Variants in ARG2 observed in about 807,000 individuals in gnomAD.
ARG2 encodes the protein arginase-2, mitochondrial.
A neutral mutation model predicts 39.4 loss-of-function variants in ARG2; 21 were observed. That is an observed-to-expected ratio of 0.53 (90% CI 0.38 to 0.77). The LOEUF is 0.77. Among genes scored for constraint, ARG2 ranks in the 30% least tolerant of loss-of-function variants. The pLI is 0.00. For synonymous variants in ARG2, 150 were observed against 156.7 expected (o/e 0.96, Z 0.32); for missense variants, 378 against 426.2 (o/e 0.89, Z 1.00).
intron 2 of ARG2, among the ~76,000 whole-genome samples, chr14:67,639,981 G>T (rs1379949787): frequency 2.1e-5 from 3 of 143,250 alleles, no homozygotes; most frequent in African/African-American, 7.8e-5. Flanking sequence ...GTTGTCAACA[G>T]ACAGAGGAAA....
intron 2 of ARG2, among the ~76,000 whole-genome samples, chr14:67,640,473 G>A (rs2037018278): frequency 6.6e-6 from 1 of 152,158 alleles, no homozygotes; most frequent in Non-Finnish European, 1.5e-5. Flanking sequence ...TATGGTCACT[G>A]CTCCTCAAAT....
intron 2 of ARG2, among the ~76,000 whole-genome samples, chr14:67,630,701 C>T (rs542382491): frequency 1.3e-5 from 2 of 152,306 alleles, no homozygotes; most frequent in South Asian, 2.1e-4. Context: ...GCCTCAGCCT[C>T]CATAGTAGCT....
chr14:67,640,905 A>G (rs2037023429), intron 2 of ARG2, among the ~76,000 whole-genome samples: 2 of 152,164 alleles, frequency 1.3e-5, no homozygotes, highest in Non-Finnish European at 2.9e-5. Flanking sequence ...CCAGAAATCC[A>G]AAATCGGAAA....
In ARG2 at chr14:67,646,915, TCA is replaced by T. The variant is rs770589105; in HGVS notation, c.618-3_618-2del. On this transcript the variant is annotated splice_polypyrimidine_tract_variant and splice_region_variant and intron_variant, in intron 5 of 7. Transcript: ENST00000261783. ...TAAGGACTCCTCCCTTTATATCTCA[TCA>T]CAGTTTTATTTTAAAGAACTATGAT... 4 of 1,562,444 alleles carry T rather than the reference TCA, an allele frequency of 2.6e-6. No homozygotes were observed. In the Admixed American group the frequency reaches 5.0e-5, roughly 20 times the overall value.
At chr14:67,645,510 A>C (rs1233383254) in intron 3 of ARG2, 133 bp from the exon 4 acceptor site, 1 of 981,070 alleles carries the variant, frequency 1.0e-6, no homozygotes, top group African/African-American at 1.7e-5. Flanking sequence ...GTCTTGCCTC[A>C]CCCAAACCCA....
intron 7 of ARG2, chr14:67,650,481 G>C (rs769287320): frequency 3.6e-6 from 2 of 549,308 alleles, no homozygotes; most frequent in Non-Finnish European, 6.5e-6. Flanking sequence ...AACAGGGATG[G>C]TTTATTTCAT....
In ARG2 at chr14:67,648,108, G is replaced by C. The variant is rs1251048958; in HGVS notation, c.784G>C (p.Ala262Pro). 6.2e-7 allele frequency: 1 copy of C among 1,613,976 alleles called. No individual in the cohort carries two copies. Among genetic ancestry groups the C allele is most frequent in the Non-Finnish European group, 8.5e-7 (1 of 1,179,886 alleles). ...TGCATTTGACCCTACACTGGCTCCA[G>C]CCACAGGAACTCCTGTTGTCGGGGG... Reference protein sequence around the residue: ...IDAFDPTLAPATGTPVVGGLT... With the variant: ...IDAFDPTLAPPTGTPVVGGLT... The change falls in exon 7 of 8, where the codon GCC becomes CCC. Residue 262 changes from alanine to proline, a missense_variant. Ala to Pro is a conservative substitution (Grantham distance 27). Transcript: ENST00000261783.
intron 2 of ARG2, among the ~76,000 whole-genome samples, chr14:67,640,453 G>C (rs7152326): frequency 0.13 from 19,092 of 152,170 alleles, 1,228 homozygotes; most frequent in East Asian, 0.14. Context: ...TTGGCCTCAT[G>C]GCTTTTTGTT....
intron 3 of ARG2, among the ~76,000 whole-genome samples, chr14:67,642,617 G>A (rs2037045977): frequency 6.6e-6 from 1 of 151,962 alleles, no homozygotes; most frequent in Non-Finnish European, 1.5e-5. Flanking sequence ...AGGTATACTA[G>A]GCAAGGTTCC....
chr14:67,632,706 T>C (rs757363437), intron 2 of ARG2, among the ~76,000 whole-genome samples: 4 of 151,784 alleles, frequency 2.6e-5, no homozygotes, highest in East Asian at 1.9e-4. Flanking sequence ...TTAGTCATTA[T>C]GAAGATTCAC....
rs1279343362 is a variant in ARG2, at chr14:67,620,042, C to G, written c.65C>G (p.Ser22Cys). 2 of 1,611,872 alleles carry G rather than the reference C, an allele frequency of 1.2e-6. No homozygotes were observed. Among genetic ancestry groups the G allele is most frequent in the Non-Finnish European group, 1.7e-6 (2 of 1,179,066 alleles). The change falls in exon 1 of 8, where the codon TCC (serine) becomes TGC (cysteine). Residue 22 changes from serine to cysteine, a missense_variant. By Grantham distance (112) the Ser-to-Cys change is moderately radical. Coordinates refer to ENST00000261783, the MANE Select transcript of ARG2 (RefSeq NM_001172.4). ...CGAGTGCATTCCATCCTGAAGAAATCCGTCCACTCCGTGGCTGTGATAGGA... is the reference window on the plus strand; with the variant it reads ...CGAGTGCATTCCATCCTGAAGAAATGCGTCCACTCCGTGGCTGTGATAGGA... ...QTRVHSILKK[S>C]VHSVAVIGAP...
At chr14:67,647,196 G>GT in intron 6 of ARG2, 171 bp downstream of exon 6, 1 of 512,342 alleles carries the variant, frequency 2.0e-6, no homozygotes, top group Non-Finnish European at 3.4e-6. Flanking sequence ...TTCCTCTGGG[G>GT]TTTTTGGGAG....
At position 67,645,644 on chromosome 14, in the gene ARG2, C is replaced by A. The variant is rs767370288; in HGVS notation, c.364C>A (p.Leu122Met). Residue 122 changes from leucine to methionine, a missense_variant and splice_region_variant, in exon 4 of 8, where the codon CTG becomes ATG. Physicochemically the swap from Leu to Met is conservative, Grantham distance 15. Coordinates refer to ENST00000261783, the MANE Select transcript of ARG2 (RefSeq NM_001172.4). ...SCVTLGGDHSLAIGTISGHAR... is the reference protein window; with the variant it reads ...SCVTLGGDHSMAIGTISGHAR... ...CAAGATTATACTTGTTCTTTGCAGC[C>A]TGGCAATCGGTACCATTAGTGGCCA... The A allele has an allele frequency of 1.9e-6, 3 of 1,612,290 alleles. No homozygotes were observed. Among genetic ancestry groups the A allele is most frequent in the Non-Finnish European group, 2.5e-6 (3 of 1,179,406 alleles).
At chr14:67,633,310 G>T (rs543925427) in intron 2 of ARG2, among the ~76,000 whole-genome samples, 5 of 151,830 alleles carry the variant, frequency 3.3e-5, no homozygotes, top group African/African-American at 1.2e-4. Context: ...GAAGAATCTA[G>T]GTCATTTGTC....
intron 2 of ARG2, among the ~76,000 whole-genome samples, chr14:67,637,306 G>A (rs1425808092): frequency 6.6e-6 from 1 of 151,526 alleles, no homozygotes; most frequent in Non-Finnish European, 1.5e-5. Context: ...GCTACTTGGG[G>A]AGGCTGAGGC....
At chr14:67,624,007 AT>A (rs938503842) in intron 2 of ARG2, among the ~76,000 whole-genome samples, 11 of 151,380 alleles carry the variant, frequency 7.3e-5, no homozygotes, top group African/African-American at 1.2e-4. Context: ...TGCCTGGATA[AT>A]TTTTTTTTCT....
chr14:67,635,552 C>T (rs1594825503), intron 2 of ARG2, among the ~76,000 whole-genome samples: 2 of 152,152 alleles, frequency 1.3e-5, no homozygotes, highest in South Asian at 2.1e-4. Context: ...AGTCACATCC[C>T]TTTAAAATTC....
chr14:67,649,956 G>A (rs539442013), intron 7 of ARG2: 1 of 152,332 alleles, frequency 6.6e-6, no homozygotes, highest in African/African-American at 2.4e-5. Context: ...AGGTTCTTCT[G>A]GTTTAAGCTT....
intron 7 of ARG2, chr14:67,649,103 T>C (rs913919437): frequency 6.6e-6 from 1 of 152,196 alleles, no homozygotes; most frequent in African/African-American, 2.4e-5. Context: ...GCCAGAGAAC[T>C]TGGGGGTTCA....
Sources: allele counts gnomAD v4.1 joint callset (sites outside exome capture counted in the v4.1 genomes callset), GRCh38; gene constraint gnomAD v4.1.1; transcripts MANE v1.5; gene names NCBI Gene and HGNC (gene_info 2026-07-23, HGNC 2026-07-21).